The following LARS2 variants were observed in gnomAD, a reference collection of about 807,000 sequenced individuals.
The protein encoded by LARS2 is leucyl-tRNA synthetase 2, mitochondrial.
LARS2 carries 81 observed loss-of-function variants against 116.6 expected under a neutral mutation model. That is an observed-to-expected ratio of 0.69 (90% confidence interval 0.58 to 0.84). The LOEUF is 0.84. LARS2 is among the 40% of genes least tolerant of loss of function. The pLI, the probability that LARS2 is intolerant of heterozygous loss-of-function variation, is 0.00. For synonymous variants in LARS2, 396 were observed against 407.2 expected, an observed-to-expected ratio of 0.97 and a Z score of 0.33; for missense variants, 968 against 1,114.5, an observed-to-expected ratio of 0.87 and a Z score of 1.87.
intron 13 of LARS2, among the ~76,000 whole-genome samples, chr3:45,492,774 T>TA (rs1395617423): frequency 6.6e-6 from 1 of 152,180 alleles, no homozygotes; most frequent in Non-Finnish European, 1.5e-5. Context: ...CTTCAATAAA[T>TA]AGAAACTTTA....
At chr3:45,489,603 A>G (rs540280742) in intron 12 of LARS2, among the ~76,000 whole-genome samples, 2 of 152,334 alleles carry the variant, frequency 1.3e-5, no homozygotes, top group East Asian at 1.9e-4. Flanking sequence ...TCCCTGGACC[A>G]GCAGTACTGG....
chr3:45,443,306 T>G (rs746162910), intron 6 of LARS2, among the ~76,000 whole-genome samples: 1 of 152,246 alleles, frequency 6.6e-6, no homozygotes, highest in Non-Finnish European at 1.5e-5. Context: ...GCAGTTTAAT[T>G]TCAGAAAGAT....
At chr3:45,459,414 G>A (rs778505394) in intron 8 of LARS2, among the ~76,000 whole-genome samples, 10 of 152,132 alleles carry the variant, frequency 6.6e-5, no homozygotes, top group Admixed American at 1.3e-4. Flanking sequence ...AGAGATGGCC[G>A]GCCTCCATGA....
chr3:45,526,169 T>G (rs1182301061), intron 20 of LARS2, among the ~76,000 whole-genome samples: 3 of 152,234 alleles, frequency 2.0e-5, no homozygotes, highest in Non-Finnish European at 4.4e-5. Flanking sequence ...AGGGAGACAA[T>G]TTTTGAGTCC....
chr3:45,442,024 TA>T (rs1239685536), intron 6 of LARS2, among the ~76,000 whole-genome samples: 1 of 152,238 alleles, frequency 6.6e-6, no homozygotes, highest in South Asian at 2.1e-4. Flanking sequence ...CAGGAAGATA[TA>T]AAAGTTGACA....
Position 45,417,463 on chromosome 3 carries a change from T to G in LARS2, c.364-19T>G, listed in dbSNP as rs1185839187. The stretch of plus-strand genomic sequence containing the variant: ...TATTAATGATTTGCCATGGTTGATG[T>G]TCCTCTTCTGGGTCCTAGGTCATCA... On this transcript the variant is annotated intron_variant, in intron 4 of 21. Transcript: ENST00000645846. 1 of 1,585,978 alleles carries G rather than the reference T, an allele frequency of 6.3e-7. No homozygotes were observed. Among genetic ancestry groups the G allele is most frequent in the Admixed American group, 1.7e-5 (1 of 59,820 alleles).
intron 3 of LARS2, among the ~76,000 whole-genome samples, chr3:45,396,466 T>C (rs1388724335): frequency 6.6e-6 from 1 of 152,248 alleles, no homozygotes; most frequent in Admixed American, 6.5e-5. Context: ...AAATAAAAGA[T>C]ACACAAAGAT....
At chr3:45,421,444 A>G (rs537161252) in intron 6 of LARS2, 2 of 152,324 alleles carry the variant, frequency 1.3e-5, no homozygotes, top group East Asian at 1.9e-4. Flanking sequence ...TTGAACCTCT[A>G]ATTCAATGAT....
At chr3:45,389,742 G>A (rs1697908298) in intron 1 of LARS2, among the ~76,000 whole-genome samples, 1 of 152,180 alleles carries the variant, frequency 6.6e-6, no homozygotes, top group Non-Finnish European at 1.5e-5. Context: ...GGGCCAAGTT[G>A]ATCATAAATA....
chr3:45,417,729 T>G (rs1261169959), intron 5 of LARS2, among the ~76,000 whole-genome samples, 156 bp downstream of exon 5: 4 of 152,226 alleles, frequency 2.6e-5, no homozygotes. Flanking sequence ...TCTTTTAACA[T>G]ATTGTATTCT....
At chr3:45,526,198 C>T (rs1321850905) in intron 20 of LARS2, among the ~76,000 whole-genome samples, 1 of 152,176 alleles carries the variant, frequency 6.6e-6, no homozygotes, top group Non-Finnish European at 1.5e-5. Context: ...TTAGAAACCT[C>T]TTTATACAAT....
Position 45,488,679 on chromosome 3 carries a change from T to A in LARS2, c.1124-18T>A, listed in dbSNP as rs1699858614. The A allele has an allele frequency of 2.0e-6, 3 of 1,492,690 alleles. No homozygotes were observed. Among genetic ancestry groups the A allele is most frequent in the Non-Finnish European group, 1.9e-6 (2 of 1,069,054 alleles). The allele number at this position is 1,492,690 out of a possible 1,614,324, so 92.5% of individuals were successfully genotyped here. On this transcript the variant is annotated intron_variant, in intron 11 of 21. Coordinates refer to ENST00000645846, the MANE Select transcript of LARS2 (RefSeq NM_015340.4). ...GCACTTGTGAAGGAAATGTTTTCTT[T>A]TCTTCTCCTCTGAATAGGAATTCCC...
At chr3:45,520,368 C>A in intron 19 of LARS2, 72 bp downstream of exon 19, 7 of 1,087,908 alleles carry the variant, frequency 6.4e-6, no homozygotes, top group South Asian at 1.3e-5. Context: ...CCCACAGGGT[C>A]CCAAGAGGGA....
chr3:45,511,277 A>G (rs942256031), intron 15 of LARS2, among the ~76,000 whole-genome samples: 1 of 152,318 alleles, frequency 6.6e-6, no homozygotes, highest in East Asian at 1.9e-4. Flanking sequence ...TGCACTGCTG[A>G]GGACCTGCCT....
At position 45,426,815 on chromosome 3, in the gene LARS2, T is replaced by C. The variant is rs371761839; in HGVS notation, c.516+7086T>C. On this transcript the variant is annotated intron_variant, in intron 6 of 21. Transcript: ENST00000645846. The stretch of plus-strand genomic sequence containing the variant: ...AGCAAATGTAGCTCTTCAAGGAAGT[T>C]ATTTGTTTTGTCCGCAGTTCCAGCT... 1.7e-3 allele frequency among the ~76,000 whole-genome samples: 261 copies of C among 152,316 alleles called. 1 individual carries two copies. The highest frequency in any genetic ancestry group is 5.8e-3 in the African/African-American group (243 of 41,572).
In LARS2 at chr3:45,391,205, T is replaced by C. The variant is rs556804657; in HGVS notation, c.-87-378T>C. On this transcript the variant is annotated intron_variant, in intron 1 of 21. Coordinates refer to ENST00000645846, the MANE Select transcript of LARS2 (RefSeq NM_015340.4). ...AGATTTATTAAATATTCATCTGTGG[T>C]CCAGATGCGGTGGTTCACGCCTGTA... Among the ~76,000 whole-genome samples the C allele has an allele frequency of 1.1e-3, 161 of 152,078 alleles. 2 individuals are homozygous for C. The highest frequency in any genetic ancestry group is 3.4e-3 in the Middle Eastern group (1 of 294).
rs998959183 is a variant in LARS2 at position 45,535,379 on chromosome 3, AAAAG to A, written c.2405-6434_2405-6431del. Among the ~76,000 whole-genome samples, 18 of 151,740 alleles carry A rather than the reference AAAAG, an allele frequency of 1.2e-4. No individual in the cohort carries two copies. The South Asian group carries it at 2.1e-3, about 18-fold the overall frequency. ...ATTAAAAAAAAAAAGAAAAGAAAAGAAAAGAAAGAAAGAAAGAAAATCACCAAAC... is the reference window on the plus strand; with the variant it reads ...ATTAAAAAAAAAAAGAAAAGAAAAGAAAAGAAAGAAAGAAAATCACCAAAC... On this transcript the variant is annotated intron_variant, in intron 20 of 21. Transcript: ENST00000645846.
At chr3:45,542,177 A>C (rs1439103927) in intron 21 of LARS2, among the ~76,000 whole-genome samples, 2 of 151,750 alleles carry the variant, frequency 1.3e-5, no homozygotes, top group African/African-American at 4.8e-5. Context: ...TGAGCATAAA[A>C]CTCTCATGGC....
chr3:45,488,461 A>G lies in LARS2; in HGVS notation c.1124-236A>G, dbSNP rs62243191. Among the ~76,000 whole-genome samples the G allele has an allele frequency of 0.01, 1,575 of 152,318 alleles. 24 individuals carry two copies. The highest frequency in any genetic ancestry group is 0.012 in the Non-Finnish European group (784 of 68,020). On this transcript the variant is annotated intron_variant, in intron 11 of 21. Coordinates refer to ENST00000645846, the MANE Select transcript of LARS2 (RefSeq NM_015340.4). ...ACAAAAACAAAAACAAAAACTAAGC[A>G]GAGGAAAAAGACTTAAAGGAAGTAA...
Sources: allele counts gnomAD v4.1 joint callset (sites outside exome capture counted in the v4.1 genomes callset), GRCh38; gene constraint gnomAD v4.1.1; transcripts MANE v1.5; gene names NCBI Gene and HGNC (gene_info 2026-07-23, HGNC 2026-07-21).